Variants in PRKACB observed in about 807,000 individuals in gnomAD.
PRKACB encodes the protein cAMP-dependent protein kinase catalytic subunit beta.
PRKACB carries 16 observed loss-of-function variants against 51.4 expected under a neutral mutation model. The ratio of observed to expected loss-of-function variants is 0.31; its 90% confidence interval spans 0.21 to 0.47. PRKACB has a LOEUF of 0.47. Ranked by LOEUF, PRKACB falls within the 20% of genes least tolerant of loss-of-function variation. The pLI, the probability that PRKACB is intolerant of heterozygous loss-of-function variation, is 1.00. For synonymous variants in PRKACB, 147 were observed against 154.4 expected (o/e 0.95, Z 0.35); for missense variants, 309 against 464.5 (o/e 0.67, Z 3.08).
chr1:84,204,380 C>T, intron 8 of PRKACB: 1 of 856,408 alleles, frequency 1.2e-6, no homozygotes, highest in South Asian at 1.6e-5. Context: ...AAGCAGAATG[C>T]AGTACTTATT....
intron 1 of PRKACB, among the ~76,000 whole-genome samples, chr1:84,135,559 A>T (rs983262423): frequency 6.6e-6 from 1 of 152,178 alleles, no homozygotes; most frequent in African/African-American, 2.4e-5. Context: ...ATCTTTTAAG[A>T]TAGTAATCAT....
chr1:84,217,564 G>A (rs58187763), intron 9 of PRKACB, among the ~76,000 whole-genome samples: 46,535 of 151,736 alleles, frequency 0.31, 7,972 homozygotes, highest in East Asian at 0.5. Context: ...GGAGTCCACA[G>A]TGGGAAGATC....
chr1:84,164,937 ATTAGCATAAC>A, intron 1 of PRKACB: 1 of 1,530,682 alleles, frequency 6.5e-7, no homozygotes, highest in Non-Finnish European at 8.8e-7. Flanking sequence ...CCCTCTAGAG[ATTAGCATAAC>A]TCCCTTTGCT....
intron 1 of PRKACB, chr1:84,085,765 A>G: frequency 3.2e-6 from 1 of 312,370 alleles, no homozygotes; most frequent in Non-Finnish European, 6.0e-6. Flanking sequence ...TTTCCTGAGG[A>G]GGTTCCTGGC....
At position 84,165,432 on chromosome 1, in the gene PRKACB, T is replaced by A. The variant is rs181254871; in HGVS notation, c.188-13745T>A. ...ATTAGATTATTTTTATTAGATTTTT[T>A]AAATAGTAATTTTGAAAATAAGATG... On this transcript the variant is annotated intron_variant, in intron 1 of 9. Transcript: ENST00000370685. 1.3e-3 allele frequency among the ~76,000 whole-genome samples: 196 copies of A among 151,984 alleles called. 1 individual carries two copies. The South Asian group carries it at 0.02, about 15-fold the overall frequency.
chr1:84,150,286 TTAAAA>T (rs1303578913), intron 1 of PRKACB, among the ~76,000 whole-genome samples: 1 of 151,884 alleles, frequency 6.6e-6, no homozygotes, highest in Non-Finnish European at 1.5e-5. Flanking sequence ...TCAAAATAAA[TTAAAA>T]TAAAATAAAA....
chr1:84,162,987 C>T (rs1177451990), intron 1 of PRKACB, among the ~76,000 whole-genome samples: 1 of 151,846 alleles, frequency 6.6e-6, no homozygotes, highest in Non-Finnish European at 1.5e-5. Flanking sequence ...AATCTGTATC[C>T]CTCATGATAT....
intron 1 of PRKACB, among the ~76,000 whole-genome samples, chr1:84,177,783 C>T (rs1661833566): frequency 6.6e-6 from 1 of 151,768 alleles, no homozygotes; most frequent in African/African-American, 2.4e-5. Flanking sequence ...TAAGAATTTG[C>T]CACCCTTAAT....
At chr1:84,097,299 A>ATACATTAGTAGATAGTATC (rs1008834625) in intron 1 of PRKACB, among the ~76,000 whole-genome samples, 2 of 151,740 alleles carry the variant, frequency 1.3e-5, no homozygotes, top group African/African-American at 2.4e-5. Context: ...GTATCTGTAG[A>ATACATTAGTAGATAGTATC]TACATTAGTA....
At chr1:84,204,091 T>C (rs1443653438) in intron 8 of PRKACB, among the ~76,000 whole-genome samples, 1 of 151,966 alleles carries the variant, frequency 6.6e-6, no homozygotes, top group Non-Finnish European at 1.5e-5. Context: ...CATTTGCCAA[T>C]AGAATTAGTC....
At chr1:84,213,573 C>G (rs1381318420) in intron 8 of PRKACB, among the ~76,000 whole-genome samples, 1 of 152,180 alleles carries the variant, frequency 6.6e-6, no homozygotes, top group East Asian at 1.9e-4. Flanking sequence ...TTAAACCAAT[C>G]TAAATCATTT....
intron 1 of PRKACB, among the ~76,000 whole-genome samples, chr1:84,116,016 G>T (rs1253124840): frequency 3.3e-5 from 5 of 151,134 alleles, no homozygotes; most frequent in African/African-American, 1.2e-4. Flanking sequence ...TCCATTTTGA[G>T]TTGATGTTTC....
intron 8 of PRKACB, among the ~76,000 whole-genome samples, chr1:84,206,111 C>T (rs1671303662): frequency 6.6e-6 from 1 of 152,064 alleles, no homozygotes; most frequent in Admixed American, 6.6e-5. Flanking sequence ...ACTCAAGTAA[C>T]AGCTACTATG....
At chr1:84,207,425 G>C (rs1671506677) in intron 8 of PRKACB, among the ~76,000 whole-genome samples, 1 of 152,176 alleles carries the variant, frequency 6.6e-6, no homozygotes, top group Non-Finnish European at 1.5e-5. Flanking sequence ...GGTCTTATGA[G>C]GTAGTGTGGA....
chr1:84,209,644 T>G (rs1022886611), intron 8 of PRKACB, among the ~76,000 whole-genome samples: 3 of 152,198 alleles, frequency 2.0e-5, no homozygotes, highest in African/African-American at 4.8e-5. Flanking sequence ...CCCCGTTTTC[T>G]TCAGAGTAAA....
chr1:84,195,224 G>T (rs1341750794), intron 5 of PRKACB, among the ~76,000 whole-genome samples: 2 of 152,172 alleles, frequency 1.3e-5, no homozygotes, highest in Non-Finnish European at 1.5e-5. Flanking sequence ...GATTGACAGT[G>T]TTGGGATGAA....
chr1:84,180,208 A>ATATATATATATATATATATATATG (rs933229907), intron 2 of PRKACB, among the ~76,000 whole-genome samples: 1 of 129,938 alleles, frequency 7.7e-6, no homozygotes, highest in Non-Finnish European at 1.7e-5. Context: ...ATATATATAT[A>ATATATATATATATATATATATATG]TGTATGATGG....
chr1:84,183,175 A>T (rs1302214198), intron 3 of PRKACB, among the ~76,000 whole-genome samples: 1 of 152,042 alleles, frequency 6.6e-6, no homozygotes, highest in African/African-American at 2.4e-5. Context: ...CCAGCAAGAA[A>T]GAATGCCACC....
intron 5 of PRKACB, among the ~76,000 whole-genome samples, chr1:84,187,567 T>C (rs942686036): frequency 6.6e-6 from 1 of 152,156 alleles, no homozygotes; most frequent in Non-Finnish European, 1.5e-5. Flanking sequence ...AAAATTTATA[T>C]AGTTTCAGCT....
Sources: gnomAD v4.1 joint callset for allele counts (sites outside exome capture counted in the v4.1 genomes callset) on GRCh38, gnomAD v4.1.1 for gene constraint, MANE v1.5 for transcripts, NCBI Gene and HGNC (gene_info 2026-07-23, HGNC 2026-07-21) for gene names.